The following PCNX4 variants were observed in gnomAD, a reference collection of about 807,000 sequenced individuals.
PCNX4 encodes pecanex-like protein 4.
Under a neutral mutation model 107.2 loss-of-function variants are expected in PCNX4, and 103 were observed. That is an observed-to-expected ratio of 0.96 (90% CI 0.82 to 1.13). PCNX4 has a LOEUF of 1.13. Ranked by LOEUF, PCNX4 falls within the 50% of genes most tolerant of loss-of-function variation. The pLI is 0.00. For synonymous variants in PCNX4, 541 were observed against 481.7 expected (o/e 1.12, Z -1.61); for missense variants, 1,528 against 1,379.4 (o/e 1.11, Z -1.71).
At position 60,118,498 on chromosome 14, in the gene PCNX4, C is replaced by T. The variant is rs1895894962; in HGVS notation, c.1748C>T (p.Ser583Phe). 1.2e-6 allele frequency: 2 copies of T among 1,613,576 alleles called. No homozygotes were observed. Among genetic ancestry groups the T allele is most frequent in the African/African-American group, 1.3e-5 (1 of 74,902 alleles). ...SPFVLVIIVF[S>F]TLLSSPLLPL... is the part of the protein sequence containing the mutation. Reference sequence around the variant, plus strand: ...TTCGTGTTGGTCATCATAGTTTTTTCTACACTACTCTCTTCTCCCTTACTC... The same window carrying T: ...TTCGTGTTGGTCATCATAGTTTTTTTTACACTACTCTCTTCTCCCTTACTC... Residue 583 changes from serine (S) to phenylalanine (F), a missense_variant, in exon 7 of 11, where the codon TCT becomes TTT. Coordinates refer to ENST00000406854, the MANE Select transcript of PCNX4 (RefSeq NM_001330177.2).
intron 1 of PCNX4, among the ~76,000 whole-genome samples, chr14:60,101,938 C>T (rs1873896350): frequency 1.3e-5 from 2 of 152,104 alleles, no homozygotes; most frequent in African/African-American, 4.8e-5. Flanking sequence ...AACAGATGAA[C>T]CTTGAAGGCA....
intron 10 of PCNX4, among the ~76,000 whole-genome samples, chr14:60,127,768 G>A (rs1165425192): frequency 6.6e-6 from 1 of 152,172 alleles, no homozygotes; most frequent in Non-Finnish European, 1.5e-5. Flanking sequence ...GAAAAAAGCA[G>A]ACAACCAGGC....
At position 60,143,358 on chromosome 14, in the gene PCNX4, T is replaced by C. The variant is rs888206631; in HGVS notation, c.*9137T>C. On this transcript the variant is annotated 3_prime_UTR_variant, in exon 11 of 11. Transcript: ENST00000406854. ...CTTTTCATTCTTATAATTGGTGTGT[T>C]GTATTCAATAAATAATGTTGTTATT... is the stretch of plus-strand genomic sequence containing the variant. 1 of 152,212 alleles carries C rather than the reference T, an allele frequency of 6.6e-6. No individual in the cohort carries two copies. The highest frequency in any genetic ancestry group is 2.4e-5 in the African/African-American group (1 of 41,452). 9.4% of individuals were successfully genotyped at this position (152,212 alleles called of 1,614,324 possible). A position where few individuals can be genotyped will look rare whatever the true frequency, so the allele number is the denominator to read the frequency against.
At chr14:60,118,089 T>TA (rs1895883897) in intron 6 of PCNX4, among the ~76,000 whole-genome samples, 2 of 151,814 alleles carry the variant, frequency 1.3e-5, no homozygotes, top group Admixed American at 1.3e-4. Context: ...GCATAGTTAG[T>TA]ACACTGTCAG....
chr14:60,120,227 C>T (rs1344075359), intron 7 of PCNX4, among the ~76,000 whole-genome samples: 1 of 152,120 alleles, frequency 6.6e-6, no homozygotes, highest in East Asian at 1.9e-4. Context: ...GTGCTTAATG[C>T]CCTGGCAACA....
intron 1 of PCNX4, among the ~76,000 whole-genome samples, chr14:60,103,368 A>G (rs879776349): frequency 1.3e-5 from 2 of 152,210 alleles, no homozygotes; most frequent in Non-Finnish European, 2.9e-5. Context: ...TTTAATTTCA[A>G]AGATCTCAAA....
chr14:60,106,906 A>G (rs1051463176), intron 1 of PCNX4, among the ~76,000 whole-genome samples: 1 of 152,232 alleles, frequency 6.6e-6, no homozygotes, highest in Non-Finnish European at 1.5e-5. Context: ...GTTGAACTGA[A>G]GATAACCTAT....
intron 2 of PCNX4, among the ~76,000 whole-genome samples, chr14:60,112,920 A>G (rs1321648785): frequency 1.3e-5 from 2 of 152,230 alleles, no homozygotes; most frequent in African/African-American, 2.4e-5. Context: ...GCGGTGGCTC[A>G]CGCCTGTAAT....
At chr14:60,119,799 A>G (rs1895921294) in intron 7 of PCNX4, among the ~76,000 whole-genome samples, 2 of 152,236 alleles carry the variant, frequency 1.3e-5, no homozygotes, top group African/African-American at 4.8e-5. Context: ...GAAAAAAGCA[A>G]TGAAATAATA....
chr14:60,094,602 T>C (rs1331016157), intron 1 of PCNX4, among the ~76,000 whole-genome samples: 1 of 152,064 alleles, frequency 6.6e-6, no homozygotes, highest in East Asian at 1.9e-4. Flanking sequence ...CACCTGATCA[T>C]AGGAACATCT....
intron 10 of PCNX4, among the ~76,000 whole-genome samples, chr14:60,129,175 G>T (rs1896109429): frequency 6.6e-6 from 1 of 151,450 alleles, no homozygotes; most frequent in African/African-American, 2.4e-5. Flanking sequence ...AGAAGGTGGA[G>T]GTTGCAGTGA....
intron 6 of PCNX4, among the ~76,000 whole-genome samples, chr14:60,117,411 G>A (rs1248824491): frequency 6.6e-6 from 1 of 152,182 alleles, no homozygotes; most frequent in African/African-American, 2.4e-5. Flanking sequence ...TGTAGCCTAT[G>A]AGCAATAGGT....
intron 10 of PCNX4, among the ~76,000 whole-genome samples, chr14:60,130,378 T>G (rs1285520801): frequency 6.6e-6 from 1 of 151,474 alleles, no homozygotes; most frequent in African/African-American, 2.4e-5. Flanking sequence ...AAAAAACTAT[T>G]TAACAAAATC....
rs772039093 is a variant in PCNX4 at position 60,124,346 on chromosome 14, G to C, written c.2175G>C (p.Leu725Phe). 1.9e-6 allele frequency: 3 copies of C among 1,612,962 alleles called. No homozygotes were observed. Among genetic ancestry groups the C allele is most frequent in the Non-Finnish European group, 2.5e-6 (3 of 1,179,448 alleles). ...CSLNEHFGNV[L>F]TPCTVLPVKL... ...TTAATGAACACTTTGGAAATGTCTT[G>C]ACACCCTGTACTGTTTTGCCTGTGA... The change falls in exon 9 of 11, where the codon TTG becomes TTC. Residue 725 changes from leucine to phenylalanine, a missense_variant. Physicochemically the swap from Leu to Phe is conservative, Grantham distance 22 (BLOSUM62 0). Coordinates refer to ENST00000406854, the MANE Select transcript of PCNX4 (RefSeq NM_001330177.2).
intron 1 of PCNX4, among the ~76,000 whole-genome samples, chr14:60,100,540 C>A (rs957860611): frequency 2.0e-5 from 3 of 152,206 alleles, no homozygotes; most frequent in African/African-American, 7.2e-5. Context: ...CTCAGGTGAT[C>A]TGCCCACCTC....
chr14:60,145,252 A>G lies in PCNX4; in HGVS notation c.*11031A>G. On this transcript the variant is annotated 3_prime_UTR_variant, in exon 11 of 11. Coordinates refer to ENST00000406854, the MANE Select transcript of PCNX4 (RefSeq NM_001330177.2). This position sits in a 1 kb window ranked among gnomAD's most constrained non-coding sequence, Gnocchi z 4.0. ...CTGGTTTAGAGGAGGTATAAATAGCATTGGACTGCAATGCTAAATTCTCTA... is the reference window on the plus strand; with the variant it reads ...CTGGTTTAGAGGAGGTATAAATAGCGTTGGACTGCAATGCTAAATTCTCTA... 1 of 343,542 alleles carries G rather than the reference A, an allele frequency of 2.9e-6. No individual in the cohort carries two copies. The highest frequency in any genetic ancestry group is 5.2e-6 in the Non-Finnish European group (1 of 193,656). 21.3% of individuals were successfully genotyped at this position (343,542 alleles called of 1,614,324 possible).
At chr14:60,093,721 T>A (rs1191569137) in intron 1 of PCNX4, among the ~76,000 whole-genome samples, 1 of 152,260 alleles carries the variant, frequency 6.6e-6, no homozygotes, top group African/African-American at 2.4e-5. Flanking sequence ...GTAGAATTAC[T>A]GGGTTATATG....
At chr14:60,126,444 T>A (rs910151816) in intron 10 of PCNX4, among the ~76,000 whole-genome samples, 4 of 152,160 alleles carry the variant, frequency 2.6e-5, no homozygotes, top group African/African-American at 9.7e-5. Flanking sequence ...TTCTTTTTTT[T>A]AAGTAACCAT....
chr14:60,143,579 C>T lies in PCNX4; in HGVS notation c.*9358C>T, dbSNP rs560684119. ...GTGTATGTGAACAGTATTGTGTTAG[C>T]GTTGCTTCTTTATTTCTTCACTTAT... On this transcript the variant is annotated 3_prime_UTR_variant, in exon 11 of 11. Coordinates refer to ENST00000406854, the MANE Select transcript of PCNX4 (RefSeq NM_001330177.2). 1 of 152,170 alleles carries T rather than the reference C, an allele frequency of 6.6e-6. No individual in the cohort carries two copies. The highest frequency in any genetic ancestry group is 1.5e-5 in the Non-Finnish European group (1 of 68,040). The allele number at this position is 152,170 out of a possible 1,614,324, so 9.4% of individuals were successfully genotyped here. A position where few individuals can be genotyped will look rare whatever the true frequency, so the allele number is the denominator to read the frequency against.
Sources: allele counts gnomAD v4.1 joint callset (sites outside exome capture counted in the v4.1 genomes callset), GRCh38; gene constraint gnomAD v4.1.1; non-coding constraint Gnocchi (gnomAD v3.1); transcripts MANE v1.5; gene names NCBI Gene and HGNC (gene_info 2026-07-23, HGNC 2026-07-21).